Variants in HNRNPL observed in about 807,000 individuals in gnomAD.
The protein encoded by HNRNPL is heterogeneous nuclear ribonucleoprotein L.
A neutral mutation model predicts 64.0 loss-of-function variants in HNRNPL; 12 were observed. The observed-to-expected ratio is 0.19, with a 90% CI of 0.12 to 0.30. HNRNPL has a LOEUF of 0.30. Among genes scored for constraint, HNRNPL ranks in the 10% least tolerant of loss-of-function variants. The pLI is 1.00. For missense variants in HNRNPL, 484 were observed against 797.4 expected, an observed-to-expected ratio of 0.61 and a Z score of 4.73; for synonymous variants, 385 against 313.0, an observed-to-expected ratio of 1.23 and a Z score of -2.43.
At chr19:38,840,433 C>T (rs1600053601) in intron 7 of HNRNPL, 55 bp downstream of exon 7, 22 of 1,551,476 alleles carry the variant, frequency 1.4e-5, no homozygotes, top group South Asian at 2.3e-5. Context: ...CGGCGGGCGG[C>T]GGGCAGGGGC....
At chr19:38,848,279 G>A (rs1972369738) in intron 1 of HNRNPL, among the ~76,000 whole-genome samples, 1 of 152,132 alleles carries the variant, frequency 6.6e-6, no homozygotes, top group African/African-American at 2.4e-5. Flanking sequence ...TTTTAGTAGA[G>A]ACGGAGTTTT....
At chr19:38,838,758 G>A (rs941950234) in intron 9 of HNRNPL, 136 bp downstream of exon 9, 17 of 1,353,556 alleles carry the variant, frequency 1.3e-5, no homozygotes, top group African/African-American at 8.6e-5. Context: ...TCAGAGACAC[G>A]TCTGGGAACA....
At chr19:38,837,129 G>A in intron 12 of HNRNPL, 2 of 566,838 alleles carry the variant, frequency 3.5e-6, no homozygotes, top group Non-Finnish European at 6.3e-6. Context: ...ATGCAAAGAA[G>A]AGAATGCCAC....
At chr19:38,847,687 G>A (rs1017119533) in intron 1 of HNRNPL, 5 of 270,092 alleles carry the variant, frequency 1.9e-5, no homozygotes, top group African/African-American at 6.6e-5. Flanking sequence ...GTATAACGGA[G>A]GGAGGGCCAC....
intron 10 of HNRNPL, among the ~76,000 whole-genome samples, chr19:38,838,042 A>C (rs1463085069): frequency 6.6e-6 from 1 of 152,252 alleles, no homozygotes; most frequent in Non-Finnish European, 1.5e-5. Flanking sequence ...TTCTGATGGT[A>C]TCAGGGTGAT....
At chr19:38,844,208 C>T in intron 4 of HNRNPL, 104 bp from the exon 5 acceptor site, 1 of 734,688 alleles carries the variant, frequency 1.4e-6, no homozygotes. Flanking sequence ...GACTGTGGTA[C>T]AGACGGAAGC....
At chr19:38,846,136 CAGG>C (rs1568373468) in intron 2 of HNRNPL, 46 bp from the exon 3 acceptor site, 2 of 1,384,140 alleles carry the variant, frequency 1.4e-6, no homozygotes, top group South Asian at 1.2e-5. Flanking sequence ...AAAATGTAGA[CAGG>C]AGGAGGGTAT....
At chr19:38,837,316 C>T in intron 12 of HNRNPL, 68 bp downstream of exon 12, 1 of 1,243,674 alleles carries the variant, frequency 8.0e-7, no homozygotes, top group Non-Finnish European at 1.2e-6. Flanking sequence ...GGAAGGACAT[C>T]CCTGGCCTGA....
chr19:38,837,728 G>C (rs1971976548), intron 10 of HNRNPL, 77 bp from the exon 11 acceptor site: 1 of 1,252,980 alleles, frequency 8.0e-7, no homozygotes, highest in South Asian at 1.2e-5. Flanking sequence ...ACCAGGCCCT[G>C]CATGACTCAG....
In HNRNPL at chr19:38,837,638, A is replaced by T; in HGVS notation, c.1571T>A (p.Leu524Gln). ...CACAGAAGATGGCCGCTTCACTCCC[A>T]GCTCATCGCAGATCTGCAAAAGAAA... ...EENFFEICDE[L>Q]GVKRPSSVKV... Residue 524 changes from leucine (L) to glutamine (Q), a missense_variant, in exon 11 of 13, where the codon CTG becomes CAG. Transcript: ENST00000221419. The T allele has an allele frequency of 6.2e-7, 1 of 1,614,236 alleles. No individual in the cohort carries two copies. The highest frequency in any genetic ancestry group is 8.5e-7 in the Non-Finnish European group (1 of 1,180,038).
intron 1 of HNRNPL, chr19:38,847,636 G>A (rs888305652): frequency 2.9e-6 from 1 of 348,950 alleles, no homozygotes; most frequent in East Asian, 4.3e-5. Context: ...CTGAGTGGGT[G>A]ATCACTTGCC....
chr19:38,843,686 C>G (rs551430181), intron 6 of HNRNPL, 156 bp downstream of exon 6: 21 of 635,956 alleles, frequency 3.3e-5, no homozygotes, highest in Non-Finnish European at 5.4e-5. Context: ...CTCACTCCCC[C>G]ATCCCACTAG....
At chr19:38,846,136 C>G (rs368533041) in intron 2 of HNRNPL, 46 bp from the exon 3 acceptor site, 1 of 1,384,140 alleles carries the variant, frequency 7.2e-7, no homozygotes, top group East Asian at 2.3e-5. Context: ...AAAATGTAGA[C>G]AGGAGGAGGG....
At chr19:38,841,680 A>G (rs754956115) in intron 6 of HNRNPL, 150 of 1,270,850 alleles carry the variant, frequency 1.2e-4, no homozygotes, top group Non-Finnish European at 1.5e-4. Flanking sequence ...ATACACTGCG[A>G]CCCTGCATCA....
chr19:38,845,990 A>G lies in HNRNPL; in HGVS notation c.487T>C (p.Tyr163His), dbSNP rs767267182. Reference protein sequence around the residue: ...AVNYAADNQIYIAGHPAFVNY... With the variant: ...AVNYAADNQIHIAGHPAFVNY... ...ACAAAAGCTGGGTGACCAGCAATGT[A>G]TATTTGGTTGTCGGCTGCGTAGTTC... The change falls in exon 3 of 13, where the codon TAC (tyrosine) becomes CAC (histidine). Residue 163 changes from tyrosine to histidine, a missense_variant. By Grantham distance (83) the Tyr-to-His change is moderately conservative. This residue lies in a region of HNRNPL where 18 missense variants were observed against 19.0 expected (regional missense o/e 0.95). Coordinates refer to ENST00000221419, the MANE Select transcript of HNRNPL (RefSeq NM_001533.3). 3 of 1,614,198 alleles carry G rather than the reference A, an allele frequency of 1.9e-6. No homozygotes were observed. The highest frequency in any genetic ancestry group is 1.6e-4 in the Middle Eastern group (1 of 6,062).
intron 9 of HNRNPL, 113 bp downstream of exon 9, chr19:38,838,781 C>G: frequency 6.9e-7 from 1 of 1,451,380 alleles, no homozygotes; most frequent in Non-Finnish European, 9.6e-7. Flanking sequence ...CCTGCCACAT[C>G]CCATTTCTGT....
chr19:38,836,881 C>G, intron 12 of HNRNPL, 101 bp from the exon 13 acceptor site: 1 of 815,154 alleles, frequency 1.2e-6, no homozygotes, highest in Non-Finnish European at 2.1e-6. Flanking sequence ...TGCAGGTCAA[C>G]GGCAGGGGTC....
upstream of HNRNPL, among the ~76,000 whole-genome samples, chr19:38,850,531 G>C (rs887408212): frequency 1.1e-4 from 17 of 152,164 alleles, no homozygotes; most frequent in Admixed American, 8.5e-4. Context: ...CGCTCTGATT[G>C]GATGAAATGG....
chr19:38,852,127 G>A (rs1300935042), upstream of HNRNPL, among the ~76,000 whole-genome samples: 4 of 134,198 alleles, frequency 3.0e-5, no homozygotes, highest in Non-Finnish European at 3.1e-5. Context: ...CGGTCTCCCC[G>A]GCGCCGCACG....
Sources: gnomAD v4.1 joint callset for allele counts (sites outside exome capture counted in the v4.1 genomes callset) on GRCh38, gnomAD v4.1.1 for gene constraint, gnomAD v4.1.1 regional missense constraint, MANE v1.5 for transcripts, NCBI Gene and HGNC (gene_info 2026-07-23, HGNC 2026-07-21) for gene names.